The following RECK variants were observed in gnomAD, a reference collection of about 807,000 sequenced individuals.
RECK encodes the protein reversion inducing cysteine rich protein with kazal motifs, also known as reversion-inducing cysteine-rich protein with Kazal motifs.
A neutral mutation model predicts 115.1 loss-of-function variants in RECK; 69 were observed. The observed-to-expected ratio is 0.60, with a 90% CI of 0.49 to 0.73. The LOEUF is 0.73. Ranked by LOEUF, RECK falls within the 30% of genes least tolerant of loss-of-function variation. The pLI, the probability that RECK is intolerant of heterozygous loss-of-function variation, is 0.00. For synonymous variants in RECK, 414 were observed against 419.7 expected (o/e 0.99, Z 0.17); for missense variants, 1,047 against 1,203.7 (o/e 0.87, Z 1.93).
intron 6 of RECK, among the ~76,000 whole-genome samples, chr9:36,075,299 T>C (rs926903070): frequency 7.2e-5 from 11 of 152,244 alleles, no homozygotes; most frequent in Non-Finnish European, 1.6e-4. Context: ...CTAGACCTTG[T>C]GTTTCTCTGC....
Position 36,058,832 on chromosome 9 carries a change from C to A in RECK, c.165C>A (p.Phe55Leu). Residue 55 changes from phenylalanine to leucine, a missense_variant, in exon 3 of 21, where the codon TTC becomes TTA. Physicochemically the swap from Phe to Leu is conservative, Grantham distance 22 (BLOSUM62 0). Transcript: ENST00000377966. ...QMCRDVCEQI[F>L]SSKSESRLKH... Reference sequence around the variant, plus strand: ...TTTTTTTTTTTGTCAAATAGATTTTCTCCTCAAAAAGTGAATCCCGACTAA... The same window carrying A: ...TTTTTTTTTTTGTCAAATAGATTTTATCCTCAAAAAGTGAATCCCGACTAA... 1.9e-6 allele frequency: 3 copies of A among 1,541,580 alleles called. No individual in the cohort carries two copies. The highest frequency in any genetic ancestry group is 1.7e-6 in the Non-Finnish European group (2 of 1,146,390).
chr9:36,052,932 A>G (rs1354244747), intron 2 of RECK, among the ~76,000 whole-genome samples: 3 of 152,206 alleles, frequency 2.0e-5, no homozygotes, highest in Non-Finnish European at 4.4e-5. Flanking sequence ...TTATACCAAT[A>G]CTGTGATCCT....
intron 1 of RECK, among the ~76,000 whole-genome samples, chr9:36,043,598 T>C (rs940958439): frequency 5.3e-5 from 8 of 152,198 alleles, no homozygotes; most frequent in Non-Finnish European, 7.3e-5. Context: ...TTTGCCTAAT[T>C]CAATGTCTAG....
intron 2 of RECK, 118 bp from the exon 3 acceptor site, chr9:36,058,709 T>C (rs1821635172): frequency 3.2e-6 from 1 of 314,960 alleles, no homozygotes; most frequent in Non-Finnish European, 5.6e-6. Flanking sequence ...ATAAATAAAA[T>C]AAAAAGGAAG....
rs749563978 is a variant in RECK, at chr9:36,036,930, A to G, written c.-69A>G. 1.7e-5 allele frequency: 17 copies of G among 1,020,456 alleles called. No homozygotes were observed. Among genetic ancestry groups the G allele is most frequent in the South Asian group, 2.9e-5 (1 of 34,756 alleles). The allele number at this position is 1,020,456 out of a possible 1,614,324, so 63.2% of individuals were successfully genotyped here. The stretch of plus-strand genomic sequence containing the variant: ...GGGGCCTCGCGCGAGCGGCGGCGGT[A>G]GCGGCGGCAGCGGCTGCGGCCAAGC... On this transcript the variant is annotated 5_prime_UTR_variant, in exon 1 of 21. Transcript: ENST00000377966.
intron 6 of RECK, among the ~76,000 whole-genome samples, chr9:36,068,882 G>C (rs1230038976): frequency 1.3e-5 from 2 of 152,184 alleles, no homozygotes; most frequent in African/African-American, 4.8e-5. Context: ...GTCTTCCCAT[G>C]AGTTTGCAGC....
At chr9:36,038,671 G>C (rs968119447) in intron 1 of RECK, among the ~76,000 whole-genome samples, 14 of 152,144 alleles carry the variant, frequency 9.2e-5, no homozygotes, top group African/African-American at 3.4e-4. Flanking sequence ...CCAGCATTTA[G>C]CGTAGTAAGC....
intron 6 of RECK, among the ~76,000 whole-genome samples, chr9:36,078,048 G>A (rs1822523265): frequency 1.3e-5 from 2 of 152,128 alleles, no homozygotes; most frequent in African/African-American, 4.8e-5. Flanking sequence ...TAAAAAAGTA[G>A]GTAAATGAAA....
At chr9:36,043,457 C>T (rs1820962623) in intron 1 of RECK, among the ~76,000 whole-genome samples, 1 of 151,998 alleles carries the variant, frequency 6.6e-6, no homozygotes, top group African/African-American at 2.4e-5. Flanking sequence ...GATTTTCTCC[C>T]ACTCTGTGGG....
At chr9:36,058,635 T>C (rs1364280581) in intron 2 of RECK, among the ~76,000 whole-genome samples, 192 bp from the exon 3 acceptor site, 1 of 149,338 alleles carries the variant, frequency 6.7e-6, no homozygotes, top group Admixed American at 6.7e-5. Flanking sequence ...ACATGTACCC[T>C]AAAACTTAAA....
intron 13 of RECK, 31 bp from the exon 14 acceptor site, chr9:36,107,945 C>T: frequency 2.6e-6 from 4 of 1,538,666 alleles, no homozygotes; most frequent in South Asian, 1.2e-5. Context: ...AGAACAGTAC[C>T]ATCTCTCTCA....
intron 10 of RECK, among the ~76,000 whole-genome samples, chr9:36,093,050 A>G (rs1823221653): frequency 6.6e-6 from 1 of 152,192 alleles, no homozygotes; most frequent in Admixed American, 6.6e-5. Flanking sequence ...GACGATTTAG[A>G]ATTCAGATTA....
At chr9:36,068,583 A>G (rs559197831) in intron 6 of RECK, among the ~76,000 whole-genome samples, 1 of 152,252 alleles carries the variant, frequency 6.6e-6, no homozygotes, top group African/African-American at 2.4e-5. Flanking sequence ...TAAGAACAGT[A>G]AAGAAGGCAT....
chr9:36,111,425 CT>C (rs1305391819), intron 15 of RECK, among the ~76,000 whole-genome samples: 11 of 152,172 alleles, frequency 7.2e-5, no homozygotes, highest in African/African-American at 2.7e-4. Context: ...AGGAGCTTTG[CT>C]TTTGTTGCCC....
Position 36,122,969 on chromosome 9 carries a change from C to T in RECK, c.2840C>T (p.Ala947Val), listed in dbSNP as rs1256813478. 1 of 1,614,138 alleles carries T rather than the reference C, an allele frequency of 6.2e-7. No individual in the cohort carries two copies. The highest frequency in any genetic ancestry group is 1.3e-5 in the African/African-American group (1 of 75,026). The change falls in exon 21 of 21, where the codon GCC (alanine) becomes GTC (valine). Residue 947 changes from alanine to valine, a missense_variant. Ala to Val is a moderately conservative substitution (Grantham distance 64). Transcript: ENST00000377966. ...AGTGTGCCATCGGCCGGTGTCAGGG[C>T]CAGGCCTTCTTGCCACTCCCTCCTC... ...SSSVPSAGVR[A>V]RPSCHSLLLP... is the part of the protein sequence containing the mutation.
intron 4 of RECK, among the ~76,000 whole-genome samples, chr9:36,062,875 C>T (rs1418162369): frequency 6.6e-6 from 1 of 152,088 alleles, no homozygotes; most frequent in African/African-American, 2.4e-5. Context: ...TCGCTTACAC[C>T]TGTAATCCCA....
At chr9:36,119,859 G>A (rs1057264862) in intron 18 of RECK, among the ~76,000 whole-genome samples, 9 of 152,182 alleles carry the variant, frequency 5.9e-5, no homozygotes, top group Non-Finnish European at 1.2e-4. Flanking sequence ...AATCTCTGTC[G>A]TGTGAAAATA....
At chr9:36,087,072 G>T (rs1822992711) in intron 8 of RECK, among the ~76,000 whole-genome samples, 1 of 152,074 alleles carries the variant, frequency 6.6e-6, no homozygotes, top group African/African-American at 2.4e-5. Context: ...TAGAGAATTT[G>T]GTAGGGCCTG....
At chr9:36,095,261 C>T (rs184187106) in intron 10 of RECK, among the ~76,000 whole-genome samples, 7 of 152,264 alleles carry the variant, frequency 4.6e-5, no homozygotes, top group African/African-American at 1.7e-4. Context: ...GAAATGGATG[C>T]ATTCCTTAAA....
Sources: gnomAD v4.1 joint callset for allele counts (sites outside exome capture counted in the v4.1 genomes callset) on GRCh38, gnomAD v4.1.1 for gene constraint, MANE v1.5 for transcripts, NCBI Gene and HGNC (gene_info 2026-07-23, HGNC 2026-07-21) for gene names.